TRPM3: variants seen among roughly 807,000 people sequenced by gnomAD.
TRPM3 encodes long transient receptor potential channel 3.
TRPM3 carries 77 observed loss-of-function variants against 181.2 expected under a neutral mutation model. The observed-to-expected ratio is 0.42, with a 90% CI of 0.35 to 0.51. TRPM3 has a LOEUF of 0.51. Ranked by LOEUF, TRPM3 falls within the 20% of genes least tolerant of loss-of-function variation. The pLI is 0.01. For synonymous variants in TRPM3, 745 were observed against 796.4 expected, an observed-to-expected ratio of 0.94 and a Z score of 1.09; for missense variants, 1,759 against 2,196.7, an observed-to-expected ratio of 0.80 and a Z score of 3.98.
rs778475268 is a variant in TRPM3 at position 70,536,653 on chromosome 9, T to C, written c.4460A>G (p.Asp1487Gly). The C allele has an allele frequency of 1.2e-6, 2 of 1,613,984 alleles. No individual in the cohort carries two copies. Among genetic ancestry groups the C allele is most frequent in the Admixed American group, 3.3e-5 (2 of 60,006 alleles). Reference protein sequence around the residue: ...TSMDTRSFSSDYTHLPECQNP... With the variant: ...TSMDTRSFSSGYTHLPECQNP... ...TTGGCATTCTGGGAGGTGGGTGTAG[T>C]CTGAAGAAAAAGATCTAGTGTCCAT... The change falls in exon 26 of 26, where the codon GAC (aspartate) becomes GGC (glycine). Residue 1487 changes from aspartate (D) to glycine (G), a missense_variant. Asp to Gly is a moderately conservative substitution (Grantham distance 94, BLOSUM62 -1). This residue lies in a region of TRPM3 where 612 missense variants were observed against 590.0 expected (regional missense o/e 1.04). Transcript: ENST00000677713.
chr9:70,841,624 CTATATATATA>C (rs72421594), intron 5 of TRPM3, among the ~76,000 whole-genome samples: 9,199 of 72,870 alleles, frequency 0.13, 537 homozygotes, highest in Middle Eastern at 0.19. Flanking sequence ...CTATATCCCA[CTATATATATA>C]TATATATATA....
intron 7 of TRPM3, among the ~76,000 whole-genome samples, chr9:70,763,946 G>C (rs758472762): frequency 6.6e-6 from 1 of 152,110 alleles, no homozygotes; most frequent in Non-Finnish European, 1.5e-5. Context: ...TTGGGTAAGA[G>C]AATTAACAGC....
chr9:71,323,093 C>T (rs1200750657), intron 1 of TRPM3, among the ~76,000 whole-genome samples: 5 of 152,048 alleles, frequency 3.3e-5, no homozygotes, highest in South Asian at 2.1e-4. Flanking sequence ...CACTAACACC[C>T]CATCTTTTTT....
chr9:70,561,502 T>C (rs969863107), intron 22 of TRPM3, among the ~76,000 whole-genome samples: 5 of 152,168 alleles, frequency 3.3e-5, no homozygotes, highest in African/African-American at 1.2e-4. Context: ...TTGCTTTCAG[T>C]AGGTGACTGC....
At chr9:71,050,980 CT>C (rs1231745738) in intron 1 of TRPM3, among the ~76,000 whole-genome samples, 1 of 152,228 alleles carries the variant, frequency 6.6e-6, no homozygotes, top group Non-Finnish European at 1.5e-5. Flanking sequence ...CAAGAAATAA[CT>C]CTCCTTCATC....
intron 1 of TRPM3, among the ~76,000 whole-genome samples, chr9:70,952,289 G>A (rs775889827): frequency 3.3e-5 from 5 of 152,158 alleles, no homozygotes; most frequent in Non-Finnish European, 5.9e-5. Flanking sequence ...TAAGTGGTGT[G>A]TTAGGGCATG....
At chr9:71,312,723 A>C (rs1445412507) in intron 1 of TRPM3, among the ~76,000 whole-genome samples, 1 of 152,200 alleles carries the variant, frequency 6.6e-6, no homozygotes, top group Admixed American at 6.6e-5. Context: ...AGTGCCAAAA[A>C]GAACTGAGTT....
intron 6 of TRPM3, among the ~76,000 whole-genome samples, chr9:70,809,677 T>C (rs1395467371): frequency 6.6e-6 from 1 of 152,228 alleles, no homozygotes; most frequent in African/African-American, 2.4e-5. Flanking sequence ...ACCTAATGAT[T>C]CATTTCTGAG....
chr9:70,998,008 T>A (rs1308568100), intron 1 of TRPM3, among the ~76,000 whole-genome samples: 1 of 151,894 alleles, frequency 6.6e-6, no homozygotes, highest in East Asian at 1.9e-4. Flanking sequence ...AAATACCTTG[T>A]CCATATGCTT....
intron 1 of TRPM3, among the ~76,000 whole-genome samples, chr9:71,151,115 C>T (rs990340297): frequency 1.3e-5 from 2 of 152,126 alleles, no homozygotes; most frequent in East Asian, 1.9e-4. Flanking sequence ...CGCGTGCATG[C>T]GCACTATGAG....
At chr9:71,096,590 A>ACTCTCTCTCTCTCTCT (rs71367255) in intron 1 of TRPM3, among the ~76,000 whole-genome samples, 36 of 90,050 alleles carry the variant, frequency 4.0e-4, no homozygotes, top group African/African-American at 1.8e-3. Flanking sequence ...ACACACACAC[A>ACTCTCTCTCTCTCTCT]CTCTCTCTCT....
intron 1 of TRPM3, among the ~76,000 whole-genome samples, chr9:71,013,935 C>T (rs1223560729): frequency 1.3e-5 from 2 of 151,868 alleles, no homozygotes; most frequent in Admixed American, 1.3e-4. Flanking sequence ...CATTCCTGCT[C>T]TTATAGTTAT....
At chr9:71,034,085 G>A (rs1489841413) in intron 1 of TRPM3, among the ~76,000 whole-genome samples, 1 of 152,134 alleles carries the variant, frequency 6.6e-6, no homozygotes, top group African/African-American at 2.4e-5. Context: ...GGCCCCAGCT[G>A]GGAATCAGTT....
intron 1 of TRPM3, among the ~76,000 whole-genome samples, chr9:71,126,919 T>C (rs571016551): frequency 2.0e-4 from 30 of 152,268 alleles, no homozygotes; most frequent in Middle Eastern, 3.4e-3. Context: ...TCCTTCCCTC[T>C]AACTTCCAAG....
chr9:71,121,669 TG>T (rs752713899), upstream of TRPM3: 15 of 1,112,172 alleles, frequency 1.3e-5, no homozygotes, highest in Non-Finnish European at 1.5e-5. Flanking sequence ...GGTCAGGCGT[TG>T]GGGGGGAACC....
chr9:70,645,387 G>A (rs894926771), intron 9 of TRPM3, among the ~76,000 whole-genome samples: 1 of 152,010 alleles, frequency 6.6e-6, no homozygotes, highest in Admixed American at 6.6e-5. Context: ...CAGAGCAGAG[G>A]CCTCAGAAAT....
At chr9:71,148,059 T>G (rs2075523438) in intron 1 of TRPM3, among the ~76,000 whole-genome samples, 2 of 151,996 alleles carry the variant, frequency 1.3e-5, no homozygotes, top group Admixed American at 1.3e-4. Context: ...TTACTGATTC[T>G]GATTCTCAAG....
intron 3 of TRPM3, among the ~76,000 whole-genome samples, chr9:70,851,416 T>C (rs952107576): frequency 1.3e-4 from 20 of 152,210 alleles, no homozygotes; most frequent in African/African-American, 4.8e-4. Flanking sequence ...AGTTCAATTA[T>C]TCATACTAAT....
chr9:71,346,325 C>A (rs1411569171), intron 1 of TRPM3, among the ~76,000 whole-genome samples: 1 of 152,048 alleles, frequency 6.6e-6, no homozygotes, highest in African/African-American at 2.4e-5. Flanking sequence ...AAATCTTGAC[C>A]CTTCTTGTTA....
Sources: gnomAD v4.1 joint callset for allele counts (sites outside exome capture counted in the v4.1 genomes callset) on GRCh38, gnomAD v4.1.1 for gene constraint, gnomAD v4.1.1 regional missense constraint, MANE v1.5 for transcripts, NCBI Gene and HGNC (gene_info 2026-07-23, HGNC 2026-07-21) for gene names.